The following ASAP2 variants were observed in gnomAD, a reference collection of about 807,000 sequenced individuals.
ASAP2 encodes ArfGAP with SH3 domain, ankyrin repeat and PH domain 2, also known as arf-GAP with SH3 domain, ANK repeat and PH domain-containing protein 2.
In ASAP2, 45 loss-of-function variants were observed where a neutral mutation model predicts 131.4. That is an observed-to-expected ratio of 0.34 (90% CI 0.27 to 0.44). ASAP2 has a LOEUF of 0.44. ASAP2 is among the 20% of genes least tolerant of loss of function. The pLI is 1.00. For missense variants in ASAP2, 1,011 were observed against 1,297.0 expected (o/e 0.78, Z 3.39); for synonymous variants, 510 against 503.0 (o/e 1.01, Z -0.19).
intron 1 of ASAP2, among the ~76,000 whole-genome samples, chr2:9,213,357 G>A (rs1314162065): frequency 6.6e-6 from 1 of 152,210 alleles, no homozygotes; most frequent in Non-Finnish European, 1.5e-5. Flanking sequence ...ATGAGAGACG[G>A]GCAGAGGGGT....
intron 2 of ASAP2, among the ~76,000 whole-genome samples, chr2:9,288,619 A>G (rs1392910909): frequency 1.3e-5 from 2 of 152,178 alleles, no homozygotes; most frequent in Admixed American, 6.5e-5. Context: ...CTTTGCCAAC[A>G]TGAACTCTTC....
intron 25 of ASAP2, among the ~76,000 whole-genome samples, 174 bp downstream of exon 25, chr2:9,400,246 C>CCCTCCCCTCCTGCCCT (rs1676529647): frequency 2.2e-5 from 3 of 138,212 alleles, no homozygotes; most frequent in African/African-American, 8.1e-5. Flanking sequence ...CCCTCCTGCC[C>CCCTCCCCTCCTGCCCT]CCTTCCCCTC....
chr2:9,323,303 C>G (rs1162054806), intron 6 of ASAP2, 53 bp downstream of exon 6: 17 of 1,606,080 alleles, frequency 1.1e-5, no homozygotes, highest in Non-Finnish European at 1.2e-5. Flanking sequence ...CGGCTCTGCC[C>G]TCACCTGTGG....
intron 1 of ASAP2, among the ~76,000 whole-genome samples, chr2:9,251,338 A>G (rs1039887831): frequency 3.9e-5 from 6 of 152,068 alleles, no homozygotes; most frequent in African/African-American, 1.4e-4. Flanking sequence ...TCTGGGCTCC[A>G]TCTGCTTGGT....
intron 1 of ASAP2, among the ~76,000 whole-genome samples, chr2:9,269,335 T>C (rs915265023): frequency 6.6e-6 from 1 of 152,114 alleles, no homozygotes; most frequent in African/African-American, 2.4e-5. Context: ...CTTGCATTCA[T>C]TGGAAATGTT....
chr2:9,221,439 G>A (rs770413612), intron 1 of ASAP2, among the ~76,000 whole-genome samples: 1 of 151,424 alleles, frequency 6.6e-6, no homozygotes, highest in Non-Finnish European at 1.5e-5. Flanking sequence ...GCAGGCATGA[G>A]CCACTGCACC....
At chr2:9,334,949 C>T (rs1671100790) in intron 8 of ASAP2, 136 bp downstream of exon 8, 4 of 1,341,968 alleles carry the variant, frequency 3.0e-6, no homozygotes, top group Non-Finnish European at 4.2e-6. Context: ...CACGCCTGTC[C>T]TCTGTCTTGG....
intron 1 of ASAP2, among the ~76,000 whole-genome samples, chr2:9,214,644 T>G (rs531935559): frequency 5.8e-4 from 88 of 152,318 alleles, no homozygotes; most frequent in African/African-American, 2.1e-3. Context: ...TGTATTTTTA[T>G]GATGATGGTC....
chr2:9,282,031 A>C (rs1667159799), intron 2 of ASAP2, among the ~76,000 whole-genome samples: 1 of 152,222 alleles, frequency 6.6e-6, no homozygotes, highest in African/African-American at 2.4e-5. Flanking sequence ...TTTGCTTAAA[A>C]TAGCATTTGC....
intron 1 of ASAP2, among the ~76,000 whole-genome samples, chr2:9,234,986 C>A (rs1214816406): frequency 6.6e-6 from 1 of 152,108 alleles, no homozygotes; most frequent in Non-Finnish European, 1.5e-5. Flanking sequence ...ATGGAGTTGA[C>A]TCCTAATGAT....
chr2:9,364,469 C>T (rs1355987387), intron 15 of ASAP2, among the ~76,000 whole-genome samples: 1 of 152,194 alleles, frequency 6.6e-6, no homozygotes, highest in East Asian at 1.9e-4. Context: ...TGTGCCACTG[C>T]TCTCCAGCCT....
chr2:9,381,472 G>A (rs551604518), intron 20 of ASAP2, among the ~76,000 whole-genome samples: 7 of 152,370 alleles, frequency 4.6e-5, no homozygotes, highest in Non-Finnish European at 7.3e-5. Flanking sequence ...AGTGACTCAC[G>A]CCTTGTAATC....
At chr2:9,359,021 A>C (rs1672905078) in intron 15 of ASAP2, 132 bp downstream of exon 15, 2 of 1,133,080 alleles carry the variant, frequency 1.8e-6, no homozygotes, top group Non-Finnish European at 2.5e-6. Flanking sequence ...GATAATTAGA[A>C]ACTCATTGAT....
In ASAP2 at chr2:9,374,793, A is replaced by G; in HGVS notation, c.1595A>G (p.Glu532Gly). 1.9e-6 allele frequency: 3 copies of G among 1,611,894 alleles called. No individual in the cohort carries two copies. Among genetic ancestry groups the G allele is most frequent in the Non-Finnish European group, 2.5e-6 (3 of 1,179,394 alleles). The change falls in exon 17 of 28, where the codon GAG becomes GGG. Residue 532 changes from glutamate to glycine, a missense_variant. This residue lies in a region of ASAP2 where 652 missense variants were observed against 698.9 expected (regional missense o/e 0.93). Coordinates refer to ENST00000281419, the MANE Select transcript of ASAP2 (RefSeq NM_003887.3). Reference protein sequence around the residue: ...RKDYITAKYIERRYARKKHAD... With the variant: ...RKDYITAKYIGRRYARKKHAD... Reference sequence around the variant, plus strand: ...GACTACATCACAGCCAAGTACATCGAGAGGAGATACGCAAGGAAGAAGCAC... The same window carrying G: ...GACTACATCACAGCCAAGTACATCGGGAGGAGATACGCAAGGAAGAAGCAC...
chr2:9,359,033 A>G lies in ASAP2; in HGVS notation c.1461+144A>G, dbSNP rs541061267. ...TTGGATAATTAGAAACTCATTGATA[A>G]TTCTTCATTTTTAGCTACTTGTGGT... On this transcript the variant is annotated intron_variant, in intron 15 of 27. Coordinates refer to ENST00000281419, the MANE Select transcript of ASAP2 (RefSeq NM_003887.3). The G allele has an allele frequency of 2.2e-4, 235 of 1,077,486 alleles. 1 individual carries two copies. Among genetic ancestry groups the G allele is most frequent in the Admixed American group, 5.3e-4 (20 of 37,388 alleles). 66.7% of individuals were successfully genotyped at this position (1,077,486 alleles called of 1,614,324 possible). A position where few individuals can be genotyped will look rare whatever the true frequency, so the allele number is the denominator to read the frequency against.
chr2:9,302,169 C>CTTTTTTTTT (rs57906310), intron 3 of ASAP2, among the ~76,000 whole-genome samples: 3 of 82,916 alleles, frequency 3.6e-5, no homozygotes, highest in African/African-American at 1.6e-4. Flanking sequence ...AGTTAGAAGC[C>CTTTTTTTTT]TTTTTTTTTT....
intron 3 of ASAP2, among the ~76,000 whole-genome samples, chr2:9,303,708 C>T (rs967428537): frequency 1.2e-4 from 19 of 152,178 alleles, no homozygotes; most frequent in African/African-American, 2.9e-4. Context: ...ATTGTTTGAT[C>T]GAGACAATGA....
intron 1 of ASAP2, among the ~76,000 whole-genome samples, chr2:9,273,889 T>C (rs996349222): frequency 5.3e-5 from 8 of 152,256 alleles, no homozygotes; most frequent in African/African-American, 1.9e-4. Flanking sequence ...GCTAATTTAT[T>C]AGTCCTGCAA....
At chr2:9,318,129 C>G (rs1404226731) in intron 3 of ASAP2, among the ~76,000 whole-genome samples, 1 of 152,192 alleles carries the variant, frequency 6.6e-6, no homozygotes, top group Non-Finnish European at 1.5e-5. Flanking sequence ...GAGCACCAAC[C>G]CCAGTACAGT....
Sources: allele counts gnomAD v4.1 joint callset (sites outside exome capture counted in the v4.1 genomes callset), GRCh38; gene constraint gnomAD v4.1.1; regional missense constraint gnomAD v4.1.1; transcripts MANE v1.5; gene names NCBI Gene and HGNC (gene_info 2026-07-23, HGNC 2026-07-21).